FGF14: variants seen among roughly 807,000 people sequenced by gnomAD.
The protein encoded by FGF14 is fibroblast growth factor homologous factor 4.
A neutral mutation model predicts 25.5 loss-of-function variants in FGF14; 5 were observed. That is an observed-to-expected ratio of 0.20 (90% CI 0.10 to 0.41). The LOEUF (loss-of-function observed/expected upper bound fraction) is 0.41, where lower values mean the gene tolerates loss of function less well. FGF14 is among the 10% of genes least tolerant of loss of function. The pLI is 1.00. For synonymous variants in FGF14, 138 were observed against 118.3 expected (o/e 1.17, Z -1.08); for missense variants, 222 against 320.1 (o/e 0.69, Z 2.34).
At chr13:101,925,295 C>T (rs1448963106) in intron 1 of FGF14, among the ~76,000 whole-genome samples, 1 of 152,148 alleles carries the variant, frequency 6.6e-6, no homozygotes, top group Non-Finnish European at 1.5e-5. Context: ...TGAGAAGACA[C>T]AAATGCAGTA....
chr13:101,767,820 T>G (rs534415417), intron 3 of FGF14, among the ~76,000 whole-genome samples: 13 of 152,136 alleles, frequency 8.5e-5, no homozygotes, highest in Non-Finnish European at 1.5e-4. Flanking sequence ...AGGAAAAAAA[T>G]GGTCATTTGA....
chr13:101,955,110 C>T (rs983186214), intron 1 of FGF14, among the ~76,000 whole-genome samples: 17 of 152,128 alleles, frequency 1.1e-4, no homozygotes, highest in African/African-American at 3.6e-4. Context: ...TGTGGATGGG[C>T]GCATTCCCAG....
At chr13:102,141,230 C>T (rs950137475) in intron 1 of FGF14, among the ~76,000 whole-genome samples, 5 of 152,106 alleles carry the variant, frequency 3.3e-5, no homozygotes, top group Non-Finnish European at 7.3e-5. Context: ...GGAAAATGGA[C>T]GTGTTGAATG....
intron 1 of FGF14, among the ~76,000 whole-genome samples, chr13:101,999,318 TA>T (rs1425601026): frequency 6.6e-6 from 1 of 152,214 alleles, no homozygotes; most frequent in East Asian, 1.9e-4. Flanking sequence ...TAGCAATGTG[TA>T]GAGACTGGGT....
At chr13:101,988,882 G>T (rs528258977) in intron 1 of FGF14, among the ~76,000 whole-genome samples, 1 of 152,040 alleles carries the variant, frequency 6.6e-6, no homozygotes, top group South Asian at 2.1e-4. Flanking sequence ...TATATGTTTT[G>T]TTGTTGTGGG....
At chr13:102,084,876 A>G (rs2765633) in intron 1 of FGF14, among the ~76,000 whole-genome samples, 5,292 of 152,260 alleles carry the variant, frequency 0.035, 291 homozygotes, top group African/African-American at 0.12. Context: ...ACAAAAAGCA[A>G]AACTGTCAGA....
chr13:101,781,251 T>C (rs2039476152), intron 3 of FGF14, among the ~76,000 whole-genome samples: 2 of 152,234 alleles, frequency 1.3e-5, no homozygotes, highest in South Asian at 4.1e-4. Context: ...TGCTCTATTT[T>C]ACTTCAAAGA....
At chr13:102,381,943 C>T (rs1055426597) in intron 1 of FGF14, among the ~76,000 whole-genome samples, 7 of 152,160 alleles carry the variant, frequency 4.6e-5, no homozygotes, top group Non-Finnish European at 8.8e-5. Flanking sequence ...TAGATGTCTA[C>T]AGGCACAAGA....
rs1178373875 is a variant in FGF14, at chr13:101,722,847, T to C, written c.728A>G (p.Lys243Arg). 2 of 1,613,224 alleles carry C rather than the reference T, an allele frequency of 1.2e-6. No individual in the cohort carries two copies. The highest frequency in any genetic ancestry group is 4.5e-5 in the East Asian group (2 of 44,864). ...AGGATCTGGCTATGTTGTCTTACTC[T>C]TGTTGACTGGTTTGCCTCCATTCAT... ...AIMNGGKPVN[K>R]SKTT The change falls in exon 5 of 5, where the codon AAG becomes AGG. Residue 243 changes from lysine to arginine, a missense_variant. Coordinates refer to ENST00000376143, the MANE Select transcript of FGF14 (RefSeq NM_004115.4).
At chr13:102,082,799 A>C (rs1313570445) in intron 1 of FGF14, among the ~76,000 whole-genome samples, 1 of 58,470 alleles carries the variant, frequency 1.7e-5, no homozygotes, top group Non-Finnish European at 2.6e-5. Context: ...CTAAAAATAC[A>C]AAAAAAAAAT....
chr13:101,887,505 CAG>C (rs1463090845), intron 1 of FGF14, among the ~76,000 whole-genome samples: 1 of 151,918 alleles, frequency 6.6e-6, no homozygotes, highest in African/African-American at 2.4e-5. Flanking sequence ...CACAGAAAGA[CAG>C]ATATCTCATA....
At chr13:101,967,731 T>C (rs543309249) in intron 1 of FGF14, 3 of 154,426 alleles carry the variant, frequency 1.9e-5, no homozygotes, top group Admixed American at 6.5e-5. Flanking sequence ...AAAACACAAA[T>C]GCGTGAAAAG....
At chr13:102,169,151 C>T (rs55689749) in intron 1 of FGF14, among the ~76,000 whole-genome samples, 3,704 of 151,198 alleles carry the variant, frequency 0.024, 136 homozygotes, top group African/African-American at 0.085. Flanking sequence ...CACTAAAGGG[C>T]CTACACTTTT....
At chr13:102,088,014 G>A (rs2044005139) in intron 1 of FGF14, among the ~76,000 whole-genome samples, 1 of 152,006 alleles carries the variant, frequency 6.6e-6, no homozygotes, top group Non-Finnish European at 1.5e-5. Context: ...GACTTATGGT[G>A]GTTACTTAAC....
At chr13:101,778,068 G>A (rs1428520233) in intron 3 of FGF14, among the ~76,000 whole-genome samples, 1 of 152,192 alleles carries the variant, frequency 6.6e-6, no homozygotes, top group East Asian at 1.9e-4. Flanking sequence ...GGTACTTCGT[G>A]AGAGTGCCTG....
intron 1 of FGF14, among the ~76,000 whole-genome samples, chr13:102,057,030 A>C (rs2042463401): frequency 6.6e-6 from 1 of 151,776 alleles, no homozygotes; most frequent in Admixed American, 6.6e-5. Context: ...TTATTTCTGA[A>C]TTCTTTAGAT....
At chr13:102,031,437 G>T (rs2041203871) in intron 1 of FGF14, among the ~76,000 whole-genome samples, 1 of 151,996 alleles carries the variant, frequency 6.6e-6, no homozygotes, top group South Asian at 2.1e-4. Context: ...TAGTGCTGGG[G>T]ATTAGAATTC....
At chr13:102,129,210 A>G (rs1480178051) in intron 1 of FGF14, among the ~76,000 whole-genome samples, 1 of 152,162 alleles carries the variant, frequency 6.6e-6, no homozygotes. Context: ...AAAGCACACC[A>G]CTGCACTCCA....
At chr13:102,012,388 G>A (rs948479881) in intron 1 of FGF14, among the ~76,000 whole-genome samples, 13 of 152,112 alleles carry the variant, frequency 8.5e-5, no homozygotes, top group African/African-American at 2.9e-4. Context: ...TAACAATCTA[G>A]ATTTCCTAGC....
Sources: gnomAD v4.1 joint callset for allele counts (sites outside exome capture counted in the v4.1 genomes callset) on GRCh38, gnomAD v4.1.1 for gene constraint, MANE v1.5 for transcripts, NCBI Gene and HGNC (gene_info 2026-07-23, HGNC 2026-07-21) for gene names.